Variants in PDZD2 observed in about 807,000 individuals in gnomAD.
The protein encoded by PDZD2 is PDZ domain-containing protein 2.
PDZD2 carries 90 observed loss-of-function variants against 220.7 expected under a neutral mutation model. That is an observed-to-expected ratio of 0.41 (90% CI 0.34 to 0.49). PDZD2 has a LOEUF of 0.49. Among genes scored for constraint, PDZD2 ranks in the 20% least tolerant of loss-of-function variants. The pLI, the probability that PDZD2 is intolerant of heterozygous loss-of-function variation, is 0.28. For synonymous variants in PDZD2, 1,375 were observed against 1,450.5 expected (o/e 0.95, Z 1.18); for missense variants, 3,174 against 3,608.5 (o/e 0.88, Z 3.08).
In PDZD2 at chr5:32,110,476, T is replaced by TAG. The variant is rs1745285130; in HGVS notation, c.*2341_*2342insAG. The TAG allele has an allele frequency of 6.5e-6, 1 of 152,692 alleles. No individual in the cohort carries two copies. Among genetic ancestry groups the TAG allele is most frequent in the Admixed American group, 6.5e-5 (1 of 15,290 alleles). 9.5% of individuals were successfully genotyped at this position (152,692 alleles called of 1,614,324 possible). A position where few individuals can be genotyped will look rare whatever the true frequency, so the allele number is the denominator to read the frequency against. ...TTATTTGTCTTCAGTGTTCAAGGCA[T>TAG]GACTAGTATTTCTAATTAGCCTAAT... On this transcript the variant is annotated 3_prime_UTR_variant, in exon 25 of 25. Transcript: ENST00000438447.
At chr5:31,681,845 C>G (rs929007588) in intron 1 of PDZD2, among the ~76,000 whole-genome samples, 1 of 152,122 alleles carries the variant, frequency 6.6e-6, no homozygotes, top group Non-Finnish European at 1.5e-5. Context: ...CATTTAAATA[C>G]CCCCAGCTCC....
chr5:31,817,354 C>T (rs111573869), intron 2 of PDZD2, among the ~76,000 whole-genome samples: 1 of 151,236 alleles, frequency 6.6e-6, no homozygotes, highest in African/African-American at 2.4e-5. Flanking sequence ...ATTAGCCGGC[C>T]GTGGTGGTGG....
intron 1 of PDZD2, among the ~76,000 whole-genome samples, chr5:31,661,785 G>GTTTTTTTT (rs5867089): frequency 1.6e-4 from 22 of 141,804 alleles, no homozygotes; most frequent in Non-Finnish European, 1.7e-4. Flanking sequence ...TCCTCCCTTG[G>GTTTTTTTT]TTTTTTTTTT....
rs776271275 is a variant in PDZD2, at chr5:31,865,621, CTTTTTTTTTTTTTT to C, written c.476+65914_476+65927del. ...GCCTGTAATCTGTGTCTACTGGCAACTTTTTTTTTTTTTTTTTTTTTTTTTTTTTTGAGATGGAG... is the reference window on the plus strand; with the variant it reads ...GCCTGTAATCTGTGTCTACTGGCAACTTTTTTTTTTTTTTTTGAGATGGAG... On this transcript the variant is annotated intron_variant, in intron 2 of 24. Transcript: ENST00000438447. Among the ~76,000 whole-genome samples, 447 of 67,836 alleles carry C rather than the reference CTTTTTTTTTTTTTT, an allele frequency of 6.6e-3. 1 individual carries two copies. The highest frequency in any genetic ancestry group is 0.028 in the African/African-American group (350 of 12,298). The allele number at this position is 67,836 out of a possible 152,430, so 44.5% of individuals were successfully genotyped here.
intron 1 of PDZD2, among the ~76,000 whole-genome samples, chr5:31,762,613 C>T (rs1035956567): frequency 6.6e-6 from 1 of 152,198 alleles, no homozygotes; most frequent in Non-Finnish European, 1.5e-5. Flanking sequence ...TATGCTAGCA[C>T]AGGCCTTGCC....
chr5:31,927,014 C>T (rs959252121), intron 2 of PDZD2, among the ~76,000 whole-genome samples: 3 of 152,126 alleles, frequency 2.0e-5, no homozygotes, highest in African/African-American at 7.2e-5. Context: ...GGGAGCTAAA[C>T]ATTGGGTATT....
intron 4 of PDZD2, among the ~76,000 whole-genome samples, chr5:31,999,543 T>TA (rs976018210): frequency 5.9e-5 from 9 of 151,782 alleles, no homozygotes; most frequent in Admixed American, 1.3e-4. Context: ...AAACATACTT[T>TA]AAAAAAAAGA....
chr5:31,902,403 T>C (rs1006092650), intron 2 of PDZD2, among the ~76,000 whole-genome samples: 18 of 152,172 alleles, frequency 1.2e-4, no homozygotes, highest in African/African-American at 4.3e-4. Flanking sequence ...GAGAAACATC[T>C]ATTCAGATCT....
At chr5:32,002,187 C>T (rs986184502) in intron 5 of PDZD2, among the ~76,000 whole-genome samples, 1 of 152,138 alleles carries the variant, frequency 6.6e-6, no homozygotes, top group African/African-American at 2.4e-5. Context: ...AAACCCTTGA[C>T]CTAGACTCTC....
At chr5:31,748,763 C>A (rs1017834442) in intron 1 of PDZD2, among the ~76,000 whole-genome samples, 13 of 152,204 alleles carry the variant, frequency 8.5e-5, no homozygotes, top group Admixed American at 8.5e-4. Context: ...ACCAAAGACT[C>A]GGAAAAGGTT....
chr5:31,711,288 C>T (rs2150139193), intron 1 of PDZD2, among the ~76,000 whole-genome samples: 2 of 152,324 alleles, frequency 1.3e-5, no homozygotes, highest in East Asian at 3.9e-4. Context: ...TCCATGTGCA[C>T]ACTACTAAAC....
rs202119628 is a variant in PDZD2, at chr5:32,060,957, A to G, written c.2319-45A>G. The G allele has an allele frequency of 2.5e-4, 395 of 1,608,528 alleles. 2 individuals are homozygous for G. The African/African-American group carries it at 4.9e-3, about 20-fold the overall frequency. On this transcript the variant is annotated intron_variant, in intron 13 of 24. Transcript: ENST00000438447. The stretch of plus-strand genomic sequence containing the variant: ...GCAAGAAGGCTATTTTAGCTTTAAG[A>G]AGCTGGCTGCTAACACAGAGTGTGG...
intron 18 of PDZD2, among the ~76,000 whole-genome samples, chr5:32,075,584 T>G (rs1055956559): frequency 6.6e-6 from 1 of 152,260 alleles, no homozygotes; most frequent in Admixed American, 6.5e-5. Context: ...ATTGGTTATG[T>G]TACTACTTGG....
chr5:31,646,896 G>A lies in PDZD2; in HGVS notation c.-361+7459G>A, dbSNP rs530490581. Among the ~76,000 whole-genome samples, 30 of 152,124 alleles carry A rather than the reference G, an allele frequency of 2.0e-4. No homozygotes were observed. Among genetic ancestry groups the A allele is most frequent in the African/African-American group, 6.0e-4 (25 of 41,388 alleles). ...ATGTGCTCCGAGTGTCCCCATCAGC[G>A]TGGATTCCCAAGAGAGAGCAGGCAG... On this transcript the variant is annotated intron_variant, in intron 1 of 24. Coordinates refer to ENST00000438447, the MANE Select transcript of PDZD2 (RefSeq NM_178140.4). The surrounding 1 kb of genome is among the most constrained non-coding windows in gnomAD (Gnocchi z 4.7).
intron 5 of PDZD2, among the ~76,000 whole-genome samples, chr5:32,004,191 T>G (rs1354364172): frequency 6.6e-6 from 1 of 152,136 alleles, no homozygotes; most frequent in East Asian, 1.9e-4. Flanking sequence ...CTGCTCCCTG[T>G]GAGACACACC....
chr5:31,862,103 T>TG (rs1554084875), intron 2 of PDZD2, among the ~76,000 whole-genome samples: 3,565 of 54,346 alleles, frequency 0.066, 283 homozygotes, highest in African/African-American at 0.15. Flanking sequence ...TTTTTTGGGT[T>TG]TTTTTTTTTT....
At chr5:31,993,010 C>T (rs1034118661) in intron 3 of PDZD2, among the ~76,000 whole-genome samples, 2 of 152,168 alleles carry the variant, frequency 1.3e-5, no homozygotes, top group Admixed American at 1.3e-4. Context: ...CAATGGTATC[C>T]ACTAGGCCAT....
At chr5:31,931,049 G>T (rs949248883) in intron 2 of PDZD2, among the ~76,000 whole-genome samples, 1 of 152,180 alleles carries the variant, frequency 6.6e-6, no homozygotes, top group Non-Finnish European at 1.5e-5. Context: ...TTGAGGCAGG[G>T]TCTCACTCTT....
intron 2 of PDZD2, among the ~76,000 whole-genome samples, chr5:31,802,351 GCCGCAGTGATAAC>G (rs1345058098): frequency 6.6e-6 from 1 of 152,196 alleles, no homozygotes; most frequent in East Asian, 1.9e-4. Context: ...TTCCTGGGAT[GCCGCAGTGATAAC>G]TGGCAGAGCC....
Sources: allele counts gnomAD v4.1 joint callset (sites outside exome capture counted in the v4.1 genomes callset), GRCh38; gene constraint gnomAD v4.1.1; non-coding constraint Gnocchi (gnomAD v3.1); transcripts MANE v1.5; gene names NCBI Gene and HGNC (gene_info 2026-07-23, HGNC 2026-07-21).